Variants in MLLT10 observed in about 807,000 individuals in gnomAD.
MLLT10 encodes protein AF-10.
Under a neutral mutation model 129.1 loss-of-function variants are expected in MLLT10, and 30 were observed. The ratio of observed to expected loss-of-function variants is 0.23; its 90% confidence interval spans 0.17 to 0.32. MLLT10 has a LOEUF of 0.32. Ranked by LOEUF, MLLT10 falls within the 10% of genes least tolerant of loss-of-function variation. The probability of loss-of-function intolerance (pLI) is 1.00; values close to 1 mark genes in which losing one functional copy is unlikely to be tolerated. For missense variants in MLLT10, 1,119 were observed against 1,268.3 expected (o/e 0.88, Z 1.79); for synonymous variants, 490 against 446.4 (o/e 1.10, Z -1.23).
In MLLT10 at chr10:21,743,318, G is replaced by T. The variant is rs942994783; in HGVS notation, c.*1335G>T. 8 of 221,060 alleles carry T rather than the reference G, an allele frequency of 3.6e-5. No homozygotes were observed. The highest frequency in any genetic ancestry group is 2.9e-4 in the Admixed American group (5 of 17,348). 13.7% of individuals were successfully genotyped at this position (221,060 alleles called of 1,614,324 possible). ...TCTGTAAATAAAGTTTTGTGAATCT[G>T]TTTTGTATTGTGACAAATTCATAAG... On this transcript the variant is annotated 3_prime_UTR_variant, in exon 23 of 23. Transcript: ENST00000307729.
intron 9 of MLLT10, among the ~76,000 whole-genome samples, chr10:21,666,147 A>G (rs1022334651): frequency 6.6e-6 from 1 of 151,788 alleles, no homozygotes; most frequent in Non-Finnish European, 1.5e-5. Context: ...ATTTTTTGTT[A>G]TATTGTATTG....
At chr10:21,680,408 A>G (rs2131400315) in intron 11 of MLLT10, among the ~76,000 whole-genome samples, 1 of 151,492 alleles carries the variant, frequency 6.6e-6, no homozygotes, top group East Asian at 2.0e-4. Context: ...GTTTCGCCTT[A>G]TTGGGCAGGC....
chr10:21,559,123 G>A (rs1489840896), intron 3 of MLLT10, among the ~76,000 whole-genome samples: 4 of 152,222 alleles, frequency 2.6e-5, no homozygotes, highest in Admixed American at 6.5e-5. Flanking sequence ...TTGCTGTGTC[G>A]CCCAGGCTGG....
chr10:21,535,580 T>C (rs1211114973), intron 2 of MLLT10, among the ~76,000 whole-genome samples: 1 of 151,906 alleles, frequency 6.6e-6, no homozygotes, highest in Admixed American at 6.6e-5. Context: ...ATTGATGAGG[T>C]TTTTGGATAT....
chr10:21,570,525 C>T (rs1319666269), intron 3 of MLLT10, among the ~76,000 whole-genome samples: 4 of 151,550 alleles, frequency 2.6e-5, no homozygotes, highest in Admixed American at 1.3e-4. Flanking sequence ...GCTCCAGTTA[C>T]AAGTATGTTT....
In MLLT10 at chr10:21,534,313, C is replaced by G. The variant is rs921164267; in HGVS notation, c.-208C>G. ...GCCCCTGGCCCAGCGGGAGCCCCCC[C>G]TCCCCCCAGTGCGCCTGTGCGGAGG... On this transcript the variant is annotated 5_prime_UTR_variant, in exon 1 of 23. Coordinates refer to ENST00000307729, the MANE Select transcript of MLLT10 (RefSeq NM_001195626.3). The G allele has an allele frequency of 8.0e-6, 3 of 374,166 alleles. No individual in the cohort carries two copies. The highest frequency in any genetic ancestry group is 3.6e-5 in the East Asian group (1 of 28,090). The allele number at this position is 374,166 out of a possible 1,614,324, so 23.2% of individuals were successfully genotyped here. A position where few individuals can be genotyped will look rare whatever the true frequency, so the allele number is the denominator to read the frequency against.
intron 16 of MLLT10, among the ~76,000 whole-genome samples, chr10:21,730,697 TC>T (rs2057898095): frequency 6.6e-6 from 1 of 152,194 alleles, no homozygotes; most frequent in Non-Finnish European, 1.5e-5. Flanking sequence ...TTTCCTTGAT[TC>T]TATAATATTG....
chr10:21,561,327 G>T (rs1217941869), intron 3 of MLLT10, among the ~76,000 whole-genome samples: 1 of 151,656 alleles, frequency 6.6e-6, no homozygotes, highest in Non-Finnish European at 1.5e-5. Flanking sequence ...GCTCTGTTCT[G>T]CCTCCTGGGT....
chr10:21,583,817 A>C (rs1221053694), intron 3 of MLLT10, among the ~76,000 whole-genome samples: 1 of 152,144 alleles, frequency 6.6e-6, no homozygotes, highest in African/African-American at 2.4e-5. Flanking sequence ...CATTGGGATT[A>C]CATTTTTACA....
intron 5 of MLLT10, among the ~76,000 whole-genome samples, chr10:21,606,364 T>C (rs2044068247): frequency 6.6e-6 from 1 of 152,232 alleles, no homozygotes; most frequent in African/African-American, 2.4e-5. Flanking sequence ...AGGAGTCAAT[T>C]TGACATAGAA....
At chr10:21,561,555 G>A (rs1212837350) in intron 3 of MLLT10, among the ~76,000 whole-genome samples, 3 of 152,116 alleles carry the variant, frequency 2.0e-5, no homozygotes, top group African/African-American at 4.8e-5. Flanking sequence ...CACTGCACCC[G>A]GCCCAGTGGT....
chr10:21,569,507 A>C (rs1325987479), intron 3 of MLLT10, among the ~76,000 whole-genome samples: 17 of 147,038 alleles, frequency 1.2e-4, no homozygotes, highest in Admixed American at 4.1e-4. Context: ...TGCAAACTCC[A>C]CCTCCTGGGT....
intron 16 of MLLT10, among the ~76,000 whole-genome samples, chr10:21,729,501 C>T (rs1351928376): frequency 6.6e-6 from 1 of 152,112 alleles, no homozygotes; most frequent in African/African-American, 2.4e-5. Flanking sequence ...GTATGTGGCC[C>T]ATAATGTTTA....
chr10:21,598,476 T>C (rs545457413), intron 5 of MLLT10, among the ~76,000 whole-genome samples: 1 of 152,284 alleles, frequency 6.6e-6, no homozygotes, highest in South Asian at 2.1e-4. Context: ...GTGCTAGGTG[T>C]GGGTTATTGC....
chr10:21,541,102 G>A (rs540221539), intron 3 of MLLT10, among the ~76,000 whole-genome samples: 8 of 152,296 alleles, frequency 5.3e-5, no homozygotes, highest in African/African-American at 1.7e-4. Flanking sequence ...AGAGGTTCCA[G>A]TGAGCTGAGG....
intron 13 of MLLT10, among the ~76,000 whole-genome samples, chr10:21,689,657 A>AT (rs1361323892): frequency 1.3e-4 from 19 of 143,178 alleles, no homozygotes; most frequent in African/African-American, 4.4e-4. Flanking sequence ...ATATATATAT[A>AT]TATATTTTTT....
chr10:21,689,960 G>C (rs530395711), intron 13 of MLLT10, among the ~76,000 whole-genome samples: 1 of 151,928 alleles, frequency 6.6e-6, no homozygotes, highest in African/African-American at 2.4e-5. Flanking sequence ...AAGAAGAACT[G>C]GTAATGACAG....
chr10:21,566,723 A>G (rs1323925614), intron 3 of MLLT10, among the ~76,000 whole-genome samples: 2 of 151,220 alleles, frequency 1.3e-5, no homozygotes, highest in Non-Finnish European at 2.9e-5. Flanking sequence ...TTCTACCCCA[A>G]TTCACTGTGC....
At chr10:21,548,829 A>T (rs561978153) in intron 3 of MLLT10, among the ~76,000 whole-genome samples, 1 of 151,592 alleles carries the variant, frequency 6.6e-6, no homozygotes, top group Non-Finnish European at 1.5e-5. Flanking sequence ...ATCTTGCTTT[A>T]TTGTTTGAAG....
Sources: gnomAD v4.1 joint callset for allele counts (sites outside exome capture counted in the v4.1 genomes callset) on GRCh38, gnomAD v4.1.1 for gene constraint, MANE v1.5 for transcripts, NCBI Gene and HGNC (gene_info 2026-07-23, HGNC 2026-07-21) for gene names.